Variants in ETFB observed in about 807,000 individuals in gnomAD.
ETFB encodes the protein electron transfer flavoprotein subunit beta.
ETFB carries 20 observed loss-of-function variants against 25.6 expected under a neutral mutation model. The observed-to-expected ratio is 0.78, with a 90% CI of 0.55 to 1.14. ETFB has a LOEUF of 1.14. Among genes scored for constraint, ETFB ranks in the 50% most tolerant of loss-of-function variants. ETFB has a pLI of 0.00. For synonymous variants in ETFB, 142 were observed against 146.7 expected (o/e 0.97, Z 0.23); for missense variants, 286 against 342.6 (o/e 0.83, Z 1.30).
intron 1 of ETFB, chr19:51,355,267 C>A (rs1186126136): frequency 2.0e-5 from 3 of 152,890 alleles, no homozygotes; most frequent in African/African-American, 7.2e-5. Context: ...ACAACCCCAT[C>A]AAAAAGTGGG....
chr19:51,355,219 C>G (rs972754036), intron 1 of ETFB: 1 of 153,550 alleles, frequency 6.5e-6, no homozygotes, highest in Non-Finnish European at 1.4e-5. Flanking sequence ...TATCCAGAAT[C>G]TACAATGAAC....
chr19:51,362,406 C>T (rs1986255149), intron 1 of ETFB, among the ~76,000 whole-genome samples: 1 of 151,924 alleles, frequency 6.6e-6, no homozygotes, highest in African/African-American at 2.4e-5. Context: ...AGCAAAACCT[C>T]GTTTCTACTA....
chr19:51,366,322 G>A lies in ETFB; in HGVS notation c.5C>T (p.Ala2Val). 6.2e-7 allele frequency: 1 copy of A among 1,611,136 alleles called. No individual in the cohort carries two copies. Residue 2 changes from alanine (A) to valine (V), a missense_variant, in exon 1 of 6, where the codon GCG becomes GTG. Coordinates refer to ENST00000309244, the MANE Select transcript of ETFB (RefSeq NM_001985.3). ...GACAGCTACGAGCACGCGCAGCTCC[G>A]CCATCTTCCCGCCGCAGCCACTTAC... M[A>V]ELRVLVAVKR...
intron 1 of ETFB, 55 bp downstream of exon 1, chr19:51,366,215 C>A: frequency 1.3e-6 from 2 of 1,568,150 alleles, no homozygotes; most frequent in Non-Finnish European, 1.8e-6. Context: ...CGCTCGTGGC[C>A]CCGGAAGCAC....
intron 1 of ETFB, among the ~76,000 whole-genome samples, chr19:51,364,358 G>A (rs1053183417): frequency 6.6e-6 from 1 of 152,192 alleles, no homozygotes; most frequent in African/African-American, 2.4e-5. Context: ...TGTAATGCAG[G>A]GAGCCCTGGG....
chr19:51,352,364 C>T (rs988636281), intron 3 of ETFB, among the ~76,000 whole-genome samples: 1 of 152,154 alleles, frequency 6.6e-6, no homozygotes, highest in African/African-American at 2.4e-5. Context: ...GTCTCCTGGG[C>T]TCTTCACACT....
intron 1 of ETFB, chr19:51,354,822 C>T: frequency 3.1e-6 from 2 of 643,124 alleles, no homozygotes; most frequent in South Asian, 1.9e-5. Flanking sequence ...AGCTGCCCAG[C>T]ACAGAAGCCT....
At chr19:51,347,157 G>GA (rs1383078893) in intron 4 of ETFB, 99 bp from the exon 5 acceptor site, 1 of 1,213,952 alleles carries the variant, frequency 8.2e-7, no homozygotes, top group Non-Finnish European at 1.2e-6. Context: ...ATGGACTAGT[G>GA]AATGAATGAG....
chr19:51,354,678 T>C, intron 1 of ETFB: 1 of 1,605,350 alleles, frequency 6.2e-7, no homozygotes, highest in Non-Finnish European at 8.5e-7. Flanking sequence ...CATAATACAC[T>C]GATACATAAA....
intron 1 of ETFB, among the ~76,000 whole-genome samples, chr19:51,361,547 C>T (rs1162406921): frequency 6.6e-6 from 1 of 152,152 alleles, no homozygotes; most frequent in Non-Finnish European, 1.5e-5. Context: ...GAAGAAACAC[C>T]AGGCGCTCCC....
At chr19:51,357,838 T>C (rs1253536081) in intron 1 of ETFB, among the ~76,000 whole-genome samples, 3 of 151,890 alleles carry the variant, frequency 2.0e-5, no homozygotes, top group South Asian at 4.2e-4. Flanking sequence ...TGGAGAAAAT[T>C]GGAAAAGGAT....
intron 1 of ETFB, among the ~76,000 whole-genome samples, chr19:51,359,137 C>T (rs961128262): frequency 2.0e-5 from 3 of 151,976 alleles, no homozygotes; most frequent in African/African-American, 7.2e-5. Context: ...CTGCAACCTC[C>T]ACCTCCCGGG....
chr19:51,365,712 C>A (rs1398132918), intron 1 of ETFB, among the ~76,000 whole-genome samples: 1 of 152,152 alleles, frequency 6.6e-6, no homozygotes, highest in African/African-American at 2.4e-5. Flanking sequence ...GCTCCTTGAA[C>A]TTTCATCTCT....
intron 1 of ETFB, among the ~76,000 whole-genome samples, chr19:51,362,088 C>A (rs1986245983): frequency 6.6e-6 from 1 of 151,676 alleles, no homozygotes; most frequent in African/African-American, 2.4e-5. Context: ...CAGGGTGTTA[C>A]TGAGTTGCCA....
chr19:51,351,226 C>T (rs1362950736), intron 3 of ETFB, among the ~76,000 whole-genome samples: 2 of 152,182 alleles, frequency 1.3e-5, no homozygotes, highest in South Asian at 2.1e-4. Flanking sequence ...GAAGAGTCAG[C>T]CCTGGGAGTT....
rs566791050 is a variant in ETFB, at chr19:51,356,649, G to A, written c.58-2341C>T. The A allele has an allele frequency of 7.2e-5, 11 of 152,282 alleles. No homozygotes were observed. In the South Asian group the frequency reaches 1.5e-3, roughly 20 times the overall value. The allele number at this position is 152,282 out of a possible 1,614,324, so 9.4% of individuals were successfully genotyped here. ...TCATGTGCCAGGGAGAGAGGCTTCCGGTGTAGACCAGGGTGTAGCGTGAAC... is the reference window on the plus strand; with the variant it reads ...TCATGTGCCAGGGAGAGAGGCTTCCAGTGTAGACCAGGGTGTAGCGTGAAC... On this transcript the variant is annotated intron_variant, in intron 1 of 5. Transcript: ENST00000309244.
At chr19:51,350,424 A>G (rs1421724886) in intron 3 of ETFB, 33 bp from the exon 4 acceptor site, 2 of 1,131,134 alleles carry the variant, frequency 1.8e-6, no homozygotes, top group Admixed American at 1.8e-5. Flanking sequence ...CTGTATGACA[A>G]TCAGTGGAGC....
Position 51,354,132 on chromosome 19 carries a change from C to T in ETFB, c.216+18G>A. On this transcript the variant is annotated intron_variant, in intron 2 of 5. Transcript: ENST00000309244. ...GTCAGACCCAGGAGTCCAGCCCCCT[C>T]CCCAAGACCTTCATCACCTGGCACT... 6.2e-7 allele frequency: 1 copy of T among 1,612,418 alleles called. No homozygotes were observed. Among genetic ancestry groups the T allele is most frequent in the Non-Finnish European group, 8.5e-7 (1 of 1,179,470 alleles).
At chr19:51,347,172 C>A (rs551972418) in intron 4 of ETFB, 114 bp from the exon 5 acceptor site, 2 of 1,076,736 alleles carry the variant, frequency 1.9e-6, no homozygotes, top group East Asian at 2.5e-5. Context: ...AATGAGGGAG[C>A]GAACAATGCA....
Sources: allele counts gnomAD v4.1 joint callset (sites outside exome capture counted in the v4.1 genomes callset), GRCh38; gene constraint gnomAD v4.1.1; transcripts MANE v1.5; gene names NCBI Gene and HGNC (gene_info 2026-07-23, HGNC 2026-07-21).